GPC6: variants seen among roughly 807,000 people sequenced by gnomAD.
GPC6 encodes glypican 6.
A neutral mutation model predicts 55.2 loss-of-function variants in GPC6; 14 were observed. The ratio of observed to expected loss-of-function variants is 0.25; its 90% confidence interval spans 0.17 to 0.40. The LOEUF is 0.40. Ranked by LOEUF, GPC6 falls within the 10% of genes least tolerant of loss-of-function variation. GPC6 has a pLI of 1.00. For synonymous variants in GPC6, 278 were observed against 259.6 expected (o/e 1.07, Z -0.68); for missense variants, 641 against 708.5 (o/e 0.90, Z 1.08).
At chr13:93,594,500 C>T (rs2139512985) in intron 2 of GPC6, among the ~76,000 whole-genome samples, 1 of 151,950 alleles carries the variant, frequency 6.6e-6, no homozygotes, top group South Asian at 2.1e-4. Context: ...ACTGATTTTT[C>T]CCACTTATTC....
chr13:93,604,394 G>T (rs1410688248), intron 2 of GPC6, among the ~76,000 whole-genome samples: 1 of 152,152 alleles, frequency 6.6e-6, no homozygotes, highest in African/African-American at 2.4e-5. Context: ...GGCCTTGCTT[G>T]CTACCAAGTA....
At chr13:93,504,490 T>C (rs1880636295) in intron 1 of GPC6, among the ~76,000 whole-genome samples, 1 of 150,778 alleles carries the variant, frequency 6.6e-6, no homozygotes, top group Non-Finnish European at 1.5e-5. Context: ...TAGTTTTTTT[T>C]TTTTTTTTTC....
intron 4 of GPC6, among the ~76,000 whole-genome samples, chr13:94,074,286 A>T (rs937206920): frequency 3.3e-5 from 5 of 152,252 alleles, no homozygotes; most frequent in African/African-American, 1.2e-4. Flanking sequence ...ACGTTTGCTC[A>T]TTCCTCTGTT....
chr13:93,902,646 G>A (rs1876423054), intron 3 of GPC6, among the ~76,000 whole-genome samples: 1 of 152,078 alleles, frequency 6.6e-6, no homozygotes, highest in Admixed American at 6.6e-5. Context: ...TTTCTATAAT[G>A]GCTGTACTAA....
At chr13:93,929,842 CAG>C (rs560051324) in intron 3 of GPC6, among the ~76,000 whole-genome samples, 1 of 147,780 alleles carries the variant, frequency 6.8e-6, no homozygotes, top group African/African-American at 2.5e-5. Flanking sequence ...GGAAGAAAGA[CAG>C]AGAGAAAAAG....
intron 2 of GPC6, among the ~76,000 whole-genome samples, chr13:93,765,966 G>A (rs773775566): frequency 5.3e-5 from 8 of 152,056 alleles, no homozygotes; most frequent in Non-Finnish European, 1.0e-4. Flanking sequence ...AGTACATTAC[G>A]TCAATGACAA....
intron 1 of GPC6, among the ~76,000 whole-genome samples, chr13:93,346,742 A>G (rs1187778181): frequency 2.0e-5 from 3 of 152,208 alleles, no homozygotes; most frequent in Admixed American, 6.5e-5. Context: ...TGAATCTACC[A>G]TAAGTTTTCT....
intron 2 of GPC6, among the ~76,000 whole-genome samples, chr13:93,593,180 G>C (rs1000483711): frequency 6.6e-6 from 1 of 152,010 alleles, no homozygotes; most frequent in African/African-American, 2.4e-5. Context: ...AAACATTTTA[G>C]TTTATGTGTA....
At position 93,992,502 on chromosome 13, in the gene GPC6, A is replaced by G. The variant is rs551428872; in HGVS notation, c.712-35227A>G. Among the ~76,000 whole-genome samples the G allele has an allele frequency of 1.2e-3, 181 of 152,274 alleles. 1 individual carries two copies. Among genetic ancestry groups the G allele is most frequent in the African/African-American group, 4.3e-3 (179 of 41,560 alleles). ...TTTTGGTTCTATATCCACCAAAGCA[A>G]TTAGAGAAGTTTGTTGATTTAATAT... On this transcript the variant is annotated intron_variant, in intron 3 of 8. Coordinates refer to ENST00000377047, the MANE Select transcript of GPC6 (RefSeq NM_005708.5).
intron 3 of GPC6, among the ~76,000 whole-genome samples, chr13:93,857,358 G>T (rs374913318): frequency 1.3e-5 from 2 of 151,558 alleles, no homozygotes; most frequent in East Asian, 3.9e-4. Context: ...TCAACCCATT[G>T]TGAATTCTAT....
At chr13:94,053,493 A>G (rs1211256364) in intron 4 of GPC6, among the ~76,000 whole-genome samples, 1 of 152,190 alleles carries the variant, frequency 6.6e-6, no homozygotes, top group African/African-American at 2.4e-5. Context: ...GTATTACCCA[A>G]TAAATTCACA....
chr13:93,368,347 T>C (rs1315311443), intron 1 of GPC6, among the ~76,000 whole-genome samples: 5 of 65,594 alleles, frequency 7.6e-5, no homozygotes, highest in East Asian at 1.4e-3. Context: ...TTTCCTTCCT[T>C]CCTTCCTTCC....
intron 2 of GPC6, among the ~76,000 whole-genome samples, chr13:93,588,128 T>A (rs2139502209): frequency 6.6e-6 from 1 of 152,300 alleles, no homozygotes; most frequent in South Asian, 2.1e-4. Context: ...TGTTTCACAT[T>A]ATGGTATGGA....
intron 3 of GPC6, among the ~76,000 whole-genome samples, chr13:94,020,445 T>C (rs559730389): frequency 9.8e-5 from 15 of 152,356 alleles, no homozygotes; most frequent in South Asian, 2.1e-4. Flanking sequence ...AGTGCTCTTC[T>C]GGTTGCTGTA....
rs1594086112 is a variant in GPC6, at chr13:93,307,159, AAAAG to A, written c.160+79549_160+79552del. Among the ~76,000 whole-genome samples, 4 of 152,168 alleles carry A rather than the reference AAAAG, an allele frequency of 2.6e-5. No homozygotes were observed. The East Asian group carries it at 7.7e-4, about 29-fold the overall frequency. On this transcript the variant is annotated intron_variant, in intron 1 of 8. Coordinates refer to ENST00000377047, the MANE Select transcript of GPC6 (RefSeq NM_005708.5). ...TCGACTATTCATTCTGAATTGGAGA[AAAAG>A]AAAGATTTGACAGATACATATTTTT...
chr13:93,279,327 G>GGAGTTAACA, intron 1 of GPC6, among the ~76,000 whole-genome samples: 1 of 152,276 alleles, frequency 6.6e-6, no homozygotes, highest in Non-Finnish European at 1.5e-5. Flanking sequence ...CTATTGTTCT[G>GGAGTTAACA]GAGTTAACAG....
intron 8 of GPC6, among the ~76,000 whole-genome samples, chr13:94,399,603 T>C (rs1446283692): frequency 6.6e-6 from 1 of 152,170 alleles, no homozygotes; most frequent in Admixed American, 6.5e-5. Context: ...ATTAATGAGA[T>C]AGAAAGAAAT....
intron 4 of GPC6, among the ~76,000 whole-genome samples, chr13:94,224,010 G>C (rs915132968): frequency 2.6e-5 from 4 of 151,964 alleles, no homozygotes; most frequent in Non-Finnish European, 5.9e-5. Context: ...TCCATTTAGT[G>C]CCATTGTTTC....
chr13:93,619,205 A>G (rs1039991776), intron 2 of GPC6, among the ~76,000 whole-genome samples: 5 of 152,168 alleles, frequency 3.3e-5, no homozygotes, highest in African/African-American at 9.6e-5. Flanking sequence ...TCAGGATAAC[A>G]TATACAACTT....
Sources: allele counts gnomAD v4.1 joint callset (sites outside exome capture counted in the v4.1 genomes callset), GRCh38; gene constraint gnomAD v4.1.1; transcripts MANE v1.5; gene names NCBI Gene and HGNC (gene_info 2026-07-23, HGNC 2026-07-21).